UBP1: variants seen among roughly 807,000 people sequenced by gnomAD.
UBP1 encodes upstream binding protein 1.
A neutral mutation model predicts 76.1 loss-of-function variants in UBP1; 22 were observed. The observed-to-expected ratio is 0.29, with a 90% CI of 0.21 to 0.41. The LOEUF (loss-of-function observed/expected upper bound fraction) is 0.41. Ranked by LOEUF, UBP1 falls within the 10% of genes least tolerant of loss-of-function variation. The pLI is 1.00. For missense variants in UBP1, 436 were observed against 668.1 expected (o/e 0.65, Z 3.83); for synonymous variants, 224 against 237.1 (o/e 0.94, Z 0.51).
At chr3:33,409,191 G>A (rs1288870254) in intron 7 of UBP1, 45 bp downstream of exon 7, 4 of 1,573,774 alleles carry the variant, frequency 2.5e-6, no homozygotes, top group Non-Finnish European at 3.5e-6. Context: ...AGACTAATAT[G>A]CAACCTTTGC....
At chr3:33,430,491 G>A (rs1014841195) in intron 1 of UBP1, among the ~76,000 whole-genome samples, 1 of 152,114 alleles carries the variant, frequency 6.6e-6, no homozygotes, top group African/African-American at 2.4e-5. Context: ...AAAATAACCA[G>A]GCATAAAAGG....
intron 2 of UBP1, among the ~76,000 whole-genome samples, chr3:33,419,980 A>G (rs949027482): frequency 3.3e-5 from 5 of 152,158 alleles, no homozygotes; most frequent in African/African-American, 1.2e-4. Context: ...TGGCTCAGAA[A>G]TGCAAAAATT....
chr3:33,395,750 G>GAA lies in UBP1; in HGVS notation c.1390+410_1390+411dup, dbSNP rs61654235. 7.4e-3 allele frequency among the ~76,000 whole-genome samples: 516 copies of GAA among 69,762 alleles called. 2 individuals carry two copies. Among genetic ancestry groups the GAA allele is most frequent in the African/African-American group, 0.02 (313 of 15,988 alleles). The allele number at this position is 69,762 out of a possible 152,430, so 45.8% of individuals were successfully genotyped here. On this transcript the variant is annotated intron_variant, in intron 13 of 15. Transcript: ENST00000283629. ...CTCCCCATACCTAGTCAGGAAAATT[G>GAA]AAAAAAAAAAAAAAAAAAAAAAAGA...
intron 1 of UBP1, among the ~76,000 whole-genome samples, chr3:33,433,791 T>C (rs1439451287): frequency 1.3e-5 from 2 of 152,106 alleles, no homozygotes; most frequent in African/African-American, 4.8e-5. Context: ...GGCCCACCTG[T>C]GGGTCCAGCT....
intron 1 of UBP1, among the ~76,000 whole-genome samples, chr3:33,434,964 C>T (rs1188075794): frequency 2.6e-5 from 4 of 152,100 alleles, no homozygotes; most frequent in African/African-American, 9.7e-5. Flanking sequence ...GGATTATAGG[C>T]GTGAGCCATG....
At chr3:33,396,680 T>C in intron 12 of UBP1, 1 of 431,988 alleles carries the variant, frequency 2.3e-6, no homozygotes, top group Non-Finnish European at 4.4e-6. Flanking sequence ...ACAATTAGTT[T>C]ACATTTTTAA....
intron 2 of UBP1, among the ~76,000 whole-genome samples, chr3:33,424,398 GCT>G (rs1397214178): frequency 1.3e-5 from 2 of 152,150 alleles, no homozygotes; most frequent in Non-Finnish European, 2.9e-5. Context: ...AAAATCTATT[GCT>G]CTTTCCAAAA....
intron 1 of UBP1, among the ~76,000 whole-genome samples, chr3:33,425,996 A>AATAAATATAT (rs1404753322): frequency 1.6e-4 from 9 of 55,138 alleles, no homozygotes; most frequent in African/African-American, 6.9e-4. Flanking sequence ...GGCAGCTCTG[A>AATAAATATAT]ATATATATAT....
intron 1 of UBP1, among the ~76,000 whole-genome samples, chr3:33,426,244 G>T (rs145541141): frequency 6.6e-6 from 1 of 151,998 alleles, no homozygotes; most frequent in Non-Finnish European, 1.5e-5. Context: ...GCCTTGGCAA[G>T]TGTTAAGAAC....
chr3:33,407,472 A>G (rs929140874), intron 8 of UBP1, among the ~76,000 whole-genome samples: 2 of 152,122 alleles, frequency 1.3e-5, no homozygotes, highest in African/African-American at 4.8e-5. Context: ...GAAGAGGATA[A>G]AAACAAAATT....
At chr3:33,433,365 TAAAAAA>T (rs1170395728) in intron 1 of UBP1, among the ~76,000 whole-genome samples, 1 of 113,084 alleles carries the variant, frequency 8.8e-6, no homozygotes, top group Non-Finnish European at 1.8e-5. Flanking sequence ...ACCCAGCCTT[TAAAAAA>T]AAAAAAAAAA....
intron 8 of UBP1, chr3:33,403,584 G>GTCTGTCTA (rs60697427): frequency 1.3e-5 from 2 of 148,878 alleles, no homozygotes; most frequent in African/African-American, 5.0e-5. Context: ...CTGTCTGTCT[G>GTCTGTCTA]TCTATCTATC....
intron 2 of UBP1, among the ~76,000 whole-genome samples, chr3:33,422,314 G>A (rs1473932462): frequency 6.6e-6 from 1 of 152,092 alleles, no homozygotes; most frequent in South Asian, 2.1e-4. Flanking sequence ...CCTGAGGCAG[G>A]AGGACTGCTT....
intron 12 of UBP1, chr3:33,396,651 G>C: frequency 2.4e-6 from 1 of 410,560 alleles, no homozygotes; most frequent in Non-Finnish European, 4.6e-6. Context: ...ACAATTTACA[G>C]TTTCTGTCAT....
At chr3:33,400,402 C>T in intron 10 of UBP1, 120 bp from the exon 11 acceptor site, 1 of 640,656 alleles carries the variant, frequency 1.6e-6, no homozygotes, top group Non-Finnish European at 2.6e-6. Context: ...ATGAGTCTGA[C>T]TCCAGCAACC....
intron 14 of UBP1, chr3:33,393,060 T>C (rs2043832325): frequency 2.4e-6 from 1 of 411,464 alleles, no homozygotes; most frequent in African/African-American, 2.1e-5. Flanking sequence ...ATCCCTAGAG[T>C]GCCCCAGTGA....
chr3:33,425,720 A>T lies in UBP1; in HGVS notation c.135T>A (p.Ile45=). Residue 45 remains isoleucine (I), a synonymous_variant, in exon 2 of 16, where the codon ATT becomes ATA. Coordinates refer to ENST00000283629, the MANE Select transcript of UBP1 (RefSeq NM_014517.5). ...GAAGGCTGGAATCTTCCTGCTTGAA[A>T]ATGGGCAATGCCAAGACATCACTGA... is the stretch of plus-strand genomic sequence containing the variant. ...YSMSDVLALP[I]FKQEDSSLPL... The T allele has an allele frequency of 6.3e-7, 1 of 1,597,396 alleles. No individual in the cohort carries two copies. The highest frequency in any genetic ancestry group is 2.2e-5 in the East Asian group (1 of 44,576).
chr3:33,410,381 T>C (rs1243300884), intron 5 of UBP1, among the ~76,000 whole-genome samples: 1 of 151,918 alleles, frequency 6.6e-6, no homozygotes, highest in African/African-American at 2.4e-5. Context: ...AGCCAGGTCT[T>C]GTATCACTTT....
At chr3:33,411,228 A>T (rs1488996508) in intron 5 of UBP1, among the ~76,000 whole-genome samples, 1 of 152,234 alleles carries the variant, frequency 6.6e-6, no homozygotes, top group East Asian at 1.9e-4. Flanking sequence ...TGTTTTAAAA[A>T]TAATGCTAGA....
Sources: gnomAD v4.1 joint callset for allele counts (sites outside exome capture counted in the v4.1 genomes callset) on GRCh38, gnomAD v4.1.1 for gene constraint, MANE v1.5 for transcripts, NCBI Gene and HGNC (gene_info 2026-07-23, HGNC 2026-07-21) for gene names.